The following ZNF157 variants were observed in gnomAD, a reference collection of about 807,000 sequenced individuals.
The protein encoded by ZNF157 is zinc finger protein 157.
In ZNF157, 8 loss-of-function variants were observed where a neutral mutation model predicts 9.4. The ratio of observed to expected loss-of-function variants is 0.85; its 90% CI spans 0.50 to 1.53. ZNF157 has a LOEUF of 1.53. Among genes scored for constraint, ZNF157 ranks in the 40% most tolerant of loss-of-function variants. ZNF157 has a pLI of 0.00. For synonymous variants in ZNF157, 120 were observed against 130.8 expected (o/e 0.92, Z 0.56); for missense variants, 316 against 385.2 (o/e 0.82, Z 1.50).
At chrX:47,405,081 A>G (rs1216451855) in intron 1 of ZNF157, among the ~76,000 whole-genome samples, 4 of 110,775 alleles carry the variant, frequency 3.6e-5, no homozygotes, top group Non-Finnish European at 7.5e-5. Flanking sequence ...TGAGAACTCA[A>G]TCACTATCAC....
chrX:47,387,753 A>G (rs1437784441), intron 1 of ZNF157, among the ~76,000 whole-genome samples: 1 of 106,913 alleles, frequency 9.4e-6, no homozygotes, highest in Non-Finnish European at 1.9e-5. Flanking sequence ...AAATACAAAA[A>G]CTAGCCAGGC....
rs777250047 is a variant in ZNF157 at position 47,412,754 on chromosome X, T to G, written c.681T>G (p.Phe227Leu). The G allele has an allele frequency of 2.5e-6, 3 of 1,210,538 alleles. No individual in the cohort carries two copies. The highest frequency in any genetic ancestry group is 3.5e-5 in the South Asian group (2 of 56,900). The change falls in exon 4 of 4, where the codon TTT becomes TTG. Residue 227 changes from phenylalanine (F) to leucine (L), a missense_variant. Coordinates refer to ENST00000377073, the MANE Select transcript of ZNF157 (RefSeq NM_003446.4). Reference protein sequence around the residue: ...PFECNECGKSFGRKSQLILHT... With the variant: ...PFECNECGKSLGRKSQLILHT... Reference sequence around the variant, plus strand: ...AATGTAATGAATGTGGGAAATCTTTTGGCAGGAAGTCACAACTCATCCTAC... The same window carrying G: ...AATGTAATGAATGTGGGAAATCTTTGGGCAGGAAGTCACAACTCATCCTAC...
intron 1 of ZNF157, among the ~76,000 whole-genome samples, chrX:47,399,994 T>C: frequency 1.2e-5 from 1 of 81,990 alleles, no homozygotes; most frequent in African/African-American, 3.8e-5. Context: ...GTTCTCTCTC[T>C]CTTTTTTTTT....
At chrX:47,401,694 T>C (rs1367029681) in intron 1 of ZNF157, among the ~76,000 whole-genome samples, 1 of 111,906 alleles carries the variant, frequency 8.9e-6, no homozygotes, top group African/African-American at 3.2e-5. Context: ...CCACCTCTGT[T>C]GGTCATGTAT....
At chrX:47,400,097 A>G (rs1174327361) in intron 1 of ZNF157, among the ~76,000 whole-genome samples, 2 of 105,574 alleles carry the variant, frequency 1.9e-5, no homozygotes, top group Non-Finnish European at 3.9e-5. Flanking sequence ...CCCGGATTTC[A>G]GTGATTCTCG....
intron 1 of ZNF157, among the ~76,000 whole-genome samples, chrX:47,387,067 C>T (rs997436087): frequency 3.7e-5 from 4 of 108,093 alleles, no homozygotes; most frequent in Non-Finnish European, 7.6e-5. Flanking sequence ...CAAGCGATTT[C>T]GTCCATCAGC....
At chrX:47,393,535 G>A (rs750129166) in intron 1 of ZNF157, among the ~76,000 whole-genome samples, 26 of 111,051 alleles carry the variant, frequency 2.3e-4, no homozygotes, top group African/African-American at 7.8e-4. Context: ...ATCACAAAGA[G>A]CATGCTTTCC....
intron 1 of ZNF157, among the ~76,000 whole-genome samples, chrX:47,394,183 C>G (rs377206030): frequency 9.1e-6 from 1 of 110,351 alleles, no homozygotes; most frequent in Admixed American, 9.9e-5. Flanking sequence ...AGGATGGTCT[C>G]GATCTCATGA....
At chrX:47,375,160 G>T (rs2055841194) in intron 1 of ZNF157, among the ~76,000 whole-genome samples, 1 of 105,828 alleles carries the variant, frequency 9.4e-6, no homozygotes, top group African/African-American at 3.4e-5. Context: ...GGGATTACAG[G>T]TGTGCACCAC....
At chrX:47,408,700 G>A (rs6609497) in intron 1 of ZNF157, among the ~76,000 whole-genome samples, 29,797 of 111,192 alleles carry the variant, frequency 0.27, 3,119 homozygotes, top group South Asian at 0.41. Context: ...ACAGGCATGA[G>A]CCACTGCGCC....
chrX:47,384,360 A>G (rs765033780), intron 1 of ZNF157, among the ~76,000 whole-genome samples: 17 of 112,261 alleles, frequency 1.5e-4, no homozygotes, highest in Non-Finnish European at 2.8e-4. Context: ...GTGACACTCA[A>G]ACCTGTTGAT....
chrX:47,405,304 G>T (rs192327591), intron 1 of ZNF157, among the ~76,000 whole-genome samples: 3 of 110,082 alleles, frequency 2.7e-5, no homozygotes, highest in Admixed American at 9.8e-5. Flanking sequence ...CAGGAGAATC[G>T]CTTGAACCTC....
chrX:47,377,192 A>G (rs1029013926), intron 1 of ZNF157, among the ~76,000 whole-genome samples: 3 of 108,780 alleles, frequency 2.8e-5, no homozygotes, highest in African/African-American at 1.0e-4. Flanking sequence ...GACCTGACCA[A>G]TCAGCACTCC....
chrX:47,401,015 T>A (rs1371713352), intron 1 of ZNF157, among the ~76,000 whole-genome samples: 1 of 111,525 alleles, frequency 9.0e-6, no homozygotes, highest in African/African-American at 3.3e-5. Flanking sequence ...GTTCCTCTGG[T>A]GGTTTCAAAG....
intron 1 of ZNF157, among the ~76,000 whole-genome samples, chrX:47,394,897 C>T (rs1017829585): frequency 9.0e-6 from 1 of 111,092 alleles, no homozygotes; most frequent in Non-Finnish European, 1.9e-5. Flanking sequence ...CAGCTCACTG[C>T]AGCCTTGACT....
At chrX:47,391,621 G>A (rs1340491666) in intron 1 of ZNF157, among the ~76,000 whole-genome samples, 1 of 111,943 alleles carries the variant, frequency 8.9e-6, no homozygotes, top group Non-Finnish European at 1.9e-5. Flanking sequence ...CACGATCTCG[G>A]CTCACTGCAA....
chrX:47,400,588 G>A (rs1271145698), intron 1 of ZNF157, among the ~76,000 whole-genome samples: 1 of 112,292 alleles, frequency 8.9e-6, no homozygotes, highest in Non-Finnish European at 1.9e-5. Context: ...GCTGTAAGGT[G>A]TGTTCCTTGA....
At chrX:47,377,860 G>A (rs1463538700) in intron 1 of ZNF157, among the ~76,000 whole-genome samples, 1 of 109,264 alleles carries the variant, frequency 9.2e-6, no homozygotes. Context: ...CCATCTGAAT[G>A]TCTTTGATGA....
intron 1 of ZNF157, among the ~76,000 whole-genome samples, chrX:47,403,571 T>C (rs1033605810): frequency 2.7e-5 from 3 of 110,706 alleles, no homozygotes; most frequent in Non-Finnish European, 3.8e-5. Flanking sequence ...CTGGGCTCAA[T>C]TGATCTGCCT....
Sources: gnomAD v4.1 joint callset for allele counts (sites outside exome capture counted in the v4.1 genomes callset) on GRCh38, gnomAD v4.1.1 for gene constraint, MANE v1.5 for transcripts, NCBI Gene and HGNC (gene_info 2026-07-23, HGNC 2026-07-21) for gene names.